The following GALNT18 variants were observed in gnomAD, a reference collection of about 807,000 sequenced individuals.
The protein encoded by GALNT18 is GalNAc-transferase 18.
GALNT18 carries 44 observed loss-of-function variants against 69.5 expected under a neutral mutation model. The ratio of observed to expected loss-of-function variants is 0.63; its 90% confidence interval spans 0.50 to 0.81. GALNT18 has a LOEUF of 0.81. GALNT18 is among the 40% of genes least tolerant of loss of function. The pLI is 0.00. For missense variants in GALNT18, 715 were observed against 810.0 expected (o/e 0.88, Z 1.42); for synonymous variants, 364 against 318.2 (o/e 1.14, Z -1.53).
chr11:11,382,296 G>A lies in GALNT18; in HGVS notation c.596-3032C>T, dbSNP rs1357932404. Among the ~76,000 whole-genome samples, 1 of 152,224 alleles carries A rather than the reference G, an allele frequency of 6.6e-6. No homozygotes were observed. The highest frequency in any genetic ancestry group is 1.9e-4 in the East Asian group (1 of 5,202). ...CCTAGATGATACTGGCTCTGTCTTT[G>A]CAAAGTACCTTTACTTAATTAGGTT... On this transcript the variant is annotated intron_variant, in intron 3 of 10. Coordinates refer to ENST00000227756, the MANE Select transcript of GALNT18 (RefSeq NM_198516.3). This position sits in a 1 kb window ranked among gnomAD's most constrained non-coding sequence, Gnocchi z 4.3.
chr11:11,604,571 G>A lies in GALNT18; in HGVS notation c.235+16788C>T, dbSNP rs1859704219. On this transcript the variant is annotated intron_variant, in intron 1 of 10. Transcript: ENST00000227756. The surrounding 1 kb of genome is among the most constrained non-coding windows in gnomAD (Gnocchi z 5.6). ...ACCCCGCCTGGCACCAAGTCTGCAT[G>A]GCGGAGAGAAGGGTGATGTGGATCA... is the stretch of plus-strand genomic sequence containing the variant. Among the ~76,000 whole-genome samples the A allele has an allele frequency of 6.6e-6, 1 of 152,224 alleles. No homozygotes were observed. Among genetic ancestry groups the A allele is most frequent in the African/African-American group, 2.4e-5 (1 of 41,464 alleles).
chr11:11,390,923 C>A (rs753883584), intron 3 of GALNT18, among the ~76,000 whole-genome samples: 1 of 152,258 alleles, frequency 6.6e-6, no homozygotes, highest in African/African-American at 2.4e-5. Flanking sequence ...TCAGTTCTCT[C>A]TTCTACCTAT....
At position 11,427,268 on chromosome 11, in the gene GALNT18, T is replaced by C. The variant is rs146901069; in HGVS notation, c.595+5353A>G. Among the ~76,000 whole-genome samples the C allele has an allele frequency of 3.2e-4, 49 of 152,338 alleles. No individual in the cohort carries two copies. The East Asian group carries it at 8.9e-3, about 28-fold the overall frequency. The stretch of plus-strand genomic sequence containing the variant: ...TACAGAGCCTTCAGTCCCTGGCTTC[T>C]GAGCGAGAGCTAAAGGTCTAGAGAG... On this transcript the variant is annotated intron_variant, in intron 3 of 10. Coordinates refer to ENST00000227756, the MANE Select transcript of GALNT18 (RefSeq NM_198516.3).
chr11:11,340,858 A>G lies in GALNT18; in HGVS notation c.1239T>C (p.Phe413=), dbSNP rs1347707311. 3 of 1,613,854 alleles carry G rather than the reference A, an allele frequency of 1.9e-6. No individual in the cohort carries two copies. In the Admixed American group the frequency reaches 5.0e-5, roughly 27 times the overall value. Residue 413 remains phenylalanine (F), a synonymous_variant, in exon 7 of 11, where the codon TTT becomes TTC. Transcript: ENST00000227756. The surrounding 1 kb of genome is among the most constrained non-coding windows in gnomAD (Gnocchi z 4.2). ...LRVAEVWMDE[F]KSHVYMAWNI... ...TCCATGCCATGTAGACGTGGCTTTTAAATTCATCCATCCAGACTTCAGCCA... is the reference window on the plus strand; with the variant it reads ...TCCATGCCATGTAGACGTGGCTTTTGAATTCATCCATCCAGACTTCAGCCA...
At chr11:11,565,405 G>A (rs1279957827) in intron 1 of GALNT18, among the ~76,000 whole-genome samples, 1 of 152,206 alleles carries the variant, frequency 6.6e-6, no homozygotes, top group Non-Finnish European at 1.5e-5. Context: ...TGGTATGCCT[G>A]TGGCTTCAGT....
chr11:11,410,878 C>G lies in GALNT18; in HGVS notation c.595+21743G>C, dbSNP rs558329893. ...TAGCTGTCACTGAGACAACATCTCT[C>G]AAGCCCTCCCCAGTATACATAGGGA... On this transcript the variant is annotated intron_variant, in intron 3 of 10. Transcript: ENST00000227756. Among the ~76,000 whole-genome samples the G allele has an allele frequency of 9.8e-5, 15 of 152,294 alleles. No individual in the cohort carries two copies. The South Asian group carries it at 3.1e-3, about 32-fold the overall frequency.
intron 1 of GALNT18, among the ~76,000 whole-genome samples, chr11:11,460,877 T>C (rs953890428): frequency 3.9e-5 from 6 of 152,328 alleles, no homozygotes; most frequent in African/African-American, 1.4e-4. Flanking sequence ...AATGTTAAAA[T>C]TGTTTTTCTT....
At chr11:11,302,696 C>T (rs986407175) in intron 9 of GALNT18, among the ~76,000 whole-genome samples, 4 of 152,200 alleles carry the variant, frequency 2.6e-5, no homozygotes, top group Admixed American at 6.5e-5. Context: ...AAAGGATATG[C>T]GCAGGATGCG....
intron 3 of GALNT18, among the ~76,000 whole-genome samples, chr11:11,418,750 T>C (rs182071872): frequency 1.3e-5 from 2 of 152,318 alleles, no homozygotes; most frequent in Admixed American, 1.3e-4. Flanking sequence ...ACTCTGTGAA[T>C]GTCTGTTGAA....
intron 1 of GALNT18, chr11:11,476,173 G>A (rs1856392632): frequency 6.6e-6 from 1 of 152,178 alleles, no homozygotes; most frequent in African/African-American, 2.4e-5. Context: ...CTGGAAATCA[G>A]AAATCAATTA....
chr11:11,297,924 A>C (rs1849430162), intron 9 of GALNT18, among the ~76,000 whole-genome samples: 1 of 152,188 alleles, frequency 6.6e-6, no homozygotes, highest in African/African-American at 2.4e-5. Flanking sequence ...AAAACAATCA[A>C]CACATCCGTA....
chr11:11,341,023 C>A lies in GALNT18; in HGVS notation c.1093-19G>T. On this transcript the variant is annotated intron_variant, in intron 6 of 10. Transcript: ENST00000227756. The surrounding 1 kb of genome is among the most constrained non-coding windows in gnomAD (Gnocchi z 6.3). The stretch of plus-strand genomic sequence containing the variant: ...GCCACACCTGCAGAAGACATGGAGC[C>A]ACTTGTCAGAGCCTGCCTGGCTCTG... 1 of 1,578,620 alleles carries A rather than the reference C, an allele frequency of 6.3e-7. No homozygotes were observed. The highest frequency in any genetic ancestry group is 8.6e-7 in the Non-Finnish European group (1 of 1,158,418).
intron 1 of GALNT18, among the ~76,000 whole-genome samples, chr11:11,458,047 C>T (rs926606340): frequency 6.6e-6 from 1 of 152,160 alleles, no homozygotes; most frequent in Non-Finnish European, 1.5e-5. Flanking sequence ...GGGGTGCAGA[C>T]CCAGATGGTC....
chr11:11,364,039 G>C (rs1025615150), intron 6 of GALNT18, among the ~76,000 whole-genome samples: 8 of 152,176 alleles, frequency 5.3e-5, no homozygotes, highest in African/African-American at 1.7e-4. Flanking sequence ...AGTTCACAGG[G>C]ATAGTAAAAA....
At chr11:11,597,824 C>G (rs1193857420) in intron 1 of GALNT18, among the ~76,000 whole-genome samples, 1 of 151,988 alleles carries the variant, frequency 6.6e-6, no homozygotes, top group Non-Finnish European at 1.5e-5. Flanking sequence ...CCACGCCCGG[C>G]TAATTTTTTG....
intron 1 of GALNT18, among the ~76,000 whole-genome samples, chr11:11,476,951 T>C (rs1856413613): frequency 6.6e-6 from 1 of 152,186 alleles, no homozygotes; most frequent in Non-Finnish European, 1.5e-5. Flanking sequence ...TGTTGAAGAT[T>C]AAGAGGGTCT....
At position 11,398,930 on chromosome 11, in the gene GALNT18, G is replaced by A. The variant is rs139983341; in HGVS notation, c.596-19666C>T. 4.2e-3 allele frequency among the ~76,000 whole-genome samples: 643 copies of A among 152,288 alleles called. 3 individuals carry two copies. Among genetic ancestry groups the A allele is most frequent in the African/African-American group, 0.015 (612 of 41,562 alleles). ...AGCTGAAGGAAGCCTCTGCAGCCAG[G>A]GCAGAGGATAGCAGGTGCACAGGAG... is the stretch of plus-strand genomic sequence containing the variant. On this transcript the variant is annotated intron_variant, in intron 3 of 10. Coordinates refer to ENST00000227756, the MANE Select transcript of GALNT18 (RefSeq NM_198516.3).
chr11:11,345,967 GGGCA>G (rs1850295761), intron 6 of GALNT18, among the ~76,000 whole-genome samples: 1 of 152,150 alleles, frequency 6.6e-6, no homozygotes, highest in African/African-American at 2.4e-5. Flanking sequence ...GGCTTCTGAC[GGGCA>G]CTGAGCAACA....
intron 1 of GALNT18, among the ~76,000 whole-genome samples, chr11:11,565,139 A>G (rs996936094): frequency 1.3e-5 from 2 of 152,210 alleles, no homozygotes; most frequent in Non-Finnish European, 2.9e-5. Flanking sequence ...CCATAAGACC[A>G]TCACTGTTTG....
Sources: gnomAD v4.1 joint callset for allele counts (sites outside exome capture counted in the v4.1 genomes callset) on GRCh38, gnomAD v4.1.1 for gene constraint, Gnocchi (gnomAD v3.1) non-coding constraint, MANE v1.5 for transcripts, NCBI Gene and HGNC (gene_info 2026-07-23, HGNC 2026-07-21) for gene names.